MARK2: variants seen among roughly 807,000 people sequenced by gnomAD.
The protein encoded by MARK2 is microtubule affinity regulating kinase 2, also known as serine/threonine-protein kinase MARK2.
In MARK2, 16 loss-of-function variants were observed where a neutral mutation model predicts 89.8. The observed-to-expected ratio is 0.18, with a 90% CI of 0.12 to 0.27. MARK2 has a LOEUF of 0.27. MARK2 is among the 10% of genes least tolerant of loss of function. MARK2 has a pLI of 1.00. For missense variants in MARK2, 621 were observed against 1,049.9 expected, an observed-to-expected ratio of 0.59 and a Z score of 5.65; for synonymous variants, 382 against 399.5, an observed-to-expected ratio of 0.96 and a Z score of 0.52.
In MARK2 at chr11:63,903,437, G is replaced by C; in HGVS notation, c.1514+279G>C. ...TCTTGACCACGGCCAGGGCATGGCA[G>C]CTGCCCTCCTCTAGACATGAGCAGC... On this transcript the variant is annotated intron_variant, in intron 14 of 18. Coordinates refer to ENST00000402010, the MANE Select transcript of MARK2 (RefSeq NM_001039469.3). This position sits in a 1 kb window ranked among gnomAD's most constrained non-coding sequence, Gnocchi z 5.1. 1 of 468,474 alleles carries C rather than the reference G, an allele frequency of 2.1e-6. No homozygotes were observed. Among genetic ancestry groups the C allele is most frequent in the Non-Finnish European group, 3.9e-6 (1 of 253,516 alleles). 29.0% of individuals were successfully genotyped at this position (468,474 alleles called of 1,614,324 possible). A position where few individuals can be genotyped will look rare whatever the true frequency, so the allele number is the denominator to read the frequency against.
At chr11:63,875,901 G>A (rs926389898) in intron 1 of MARK2, among the ~76,000 whole-genome samples, 14 of 152,338 alleles carry the variant, frequency 9.2e-5, no homozygotes, top group African/African-American at 3.1e-4. Context: ...TTGTCTCACA[G>A]CTGAAGAGGC....
At chr11:63,860,344 G>C (rs1257126499) in intron 1 of MARK2, among the ~76,000 whole-genome samples, 1 of 151,936 alleles carries the variant, frequency 6.6e-6, no homozygotes, top group Non-Finnish European at 1.5e-5. Context: ...ACGAGGTCAG[G>C]AGATCGAGAC....
chr11:63,841,880 C>G (rs1265362698), intron 1 of MARK2, among the ~76,000 whole-genome samples: 1 of 152,220 alleles, frequency 6.6e-6, no homozygotes, highest in Non-Finnish European at 1.5e-5. Context: ...GCCTAGCATA[C>G]TGCTGAGCAT....
rs79024208 is a variant in MARK2 at position 63,893,586 on chromosome 11, A to G, written c.55-1573A>G. ...TACTGAGGAGCGGAATTGCTGGCTC[A>G]TATAGTCTGTGTTTAGCACTTTGAG... On this transcript the variant is annotated intron_variant, in intron 1 of 18. Coordinates refer to ENST00000402010, the MANE Select transcript of MARK2 (RefSeq NM_001039469.3). Among the ~76,000 whole-genome samples the G allele has an allele frequency of 8.5e-5, 13 of 152,058 alleles. No homozygotes were observed. The East Asian group carries it at 2.5e-3, about 30-fold the overall frequency.
At chr11:63,867,699 G>A (rs1938210624) in intron 1 of MARK2, among the ~76,000 whole-genome samples, 1 of 152,220 alleles carries the variant, frequency 6.6e-6, no homozygotes, top group South Asian at 2.1e-4. Flanking sequence ...TGGTTCTTCA[G>A]TGAGTTTCCC....
intron 18 of MARK2, 138 bp from the exon 19 acceptor site, chr11:63,908,739 G>A (rs1003383153): frequency 2.4e-6 from 2 of 821,832 alleles, no homozygotes; most frequent in Admixed American, 3.5e-5. Flanking sequence ...CTCCGCCCCC[G>A]CAGGCCAGGG....
At chr11:63,841,118 C>T (rs1462848810) in intron 1 of MARK2, among the ~76,000 whole-genome samples, 1 of 152,206 alleles carries the variant, frequency 6.6e-6, no homozygotes, top group Non-Finnish European at 1.5e-5. Flanking sequence ...CCCCTCCTTC[C>T]ATCCTTTATG....
rs184514302 is a variant in MARK2, at chr11:63,898,288, C to G, written c.337+8C>G. 850 of 1,612,550 alleles carry G rather than the reference C, an allele frequency of 5.3e-4. 5 individuals are homozygous for G. In the Middle Eastern group the frequency reaches 6.9e-3, roughly 13 times the overall value. ...TGAATCATCCCAACATAGGTGAGCACAAGTTGTTATTTCTTTCTTCTTCCC... is the reference window on the plus strand; with the variant it reads ...TGAATCATCCCAACATAGGTGAGCAGAAGTTGTTATTTCTTTCTTCTTCCC... On this transcript the variant is annotated splice_region_variant and intron_variant, in intron 4 of 18. Transcript: ENST00000402010.
rs2015874067 is a variant in MARK2, at chr11:63,839,164, G to A, written c.-343G>A. ...CAGGTCCGGCGGCGGCTGCCTGTGT[G>A]CCGGGCGCGGAGCAGTGCCGCTGAG... On this transcript the variant is annotated 5_prime_UTR_variant, in exon 1 of 19. Coordinates refer to ENST00000402010, the MANE Select transcript of MARK2 (RefSeq NM_001039469.3). 9.9e-6 allele frequency: 2 copies of A among 202,266 alleles called. No homozygotes were observed. Among genetic ancestry groups the A allele is most frequent in the Non-Finnish European group, 2.0e-5 (2 of 102,272 alleles). The allele number at this position is 202,266 out of a possible 1,614,324, so 12.5% of individuals were successfully genotyped here.
chr11:63,854,590 T>G (rs1305437344), intron 1 of MARK2, among the ~76,000 whole-genome samples: 1 of 151,834 alleles, frequency 6.6e-6, no homozygotes, highest in African/African-American at 2.4e-5. Context: ...ATCCCAACAC[T>G]TTCGGAGGCC....
In MARK2 at chr11:63,849,263, G is replaced by A. The variant is rs115362644; in HGVS notation, c.54+9703G>A. ...TTTGCAAGTAGTATTGAAGCCACTC[G>A]GAGATTGTTGCTTTGTCTTTTTGCT... On this transcript the variant is annotated intron_variant, in intron 1 of 18. Transcript: ENST00000402010. 8.8e-3 allele frequency among the ~76,000 whole-genome samples: 1,345 copies of A among 152,256 alleles called. 25 individuals carry two copies. Among genetic ancestry groups the A allele is most frequent in the African/African-American group, 0.029 (1,209 of 41,552 alleles).
chr11:63,860,027 T>A (rs1156543807), intron 1 of MARK2, among the ~76,000 whole-genome samples: 1 of 152,198 alleles, frequency 6.6e-6, no homozygotes, highest in Non-Finnish European at 1.5e-5. Context: ...TTGGAGTGTT[T>A]GTAGCAGTGT....
intron 1 of MARK2, 72 bp downstream of exon 1, chr11:63,839,632 C>T (rs1022617153): frequency 1.0e-6 from 1 of 967,994 alleles, no homozygotes. Flanking sequence ...CCTCCCTCTT[C>T]TGCTCTCCTC....
At chr11:63,901,220 C>T in intron 11 of MARK2, 151 bp downstream of exon 11, 1 of 632,576 alleles carries the variant, frequency 1.6e-6, no homozygotes, top group East Asian at 2.7e-5. Context: ...GTCTAAGGTC[C>T]TCTGGCCCAT....
At chr11:63,899,835 T>C in intron 7 of MARK2, 39 bp from the exon 8 acceptor site, 1 of 1,385,214 alleles carries the variant, frequency 7.2e-7, no homozygotes, top group Non-Finnish European at 1.0e-6. Flanking sequence ...CTTAGTCTGG[T>C]CCACTTGGTT....
rs531182100 is a variant in MARK2, at chr11:63,876,702, C to G, written c.55-18457C>G. Among the ~76,000 whole-genome samples, 10 of 119,082 alleles carry G rather than the reference C, an allele frequency of 8.4e-5. No individual in the cohort carries two copies. The South Asian group carries it at 2.6e-3, about 31-fold the overall frequency. The allele number at this position is 119,082 out of a possible 152,430, so 78.1% of individuals were successfully genotyped here. On this transcript the variant is annotated intron_variant, in intron 1 of 18. Transcript: ENST00000402010. ...TTTGTTGGGTAGGAGCTGTATTCCT[C>G]TTGGAGCCATCTTTTCTTCCCTGCC...
Position 63,887,906 on chromosome 11 carries a change from G to A in MARK2, c.55-7253G>A, listed in dbSNP as rs368706538. On this transcript the variant is annotated intron_variant, in intron 1 of 18. Coordinates refer to ENST00000402010, the MANE Select transcript of MARK2 (RefSeq NM_001039469.3). ...TTGGTGACTGGAAACTTGGAGGTGAGTGAGAACCTAGGGATGAACGTTCAG... is the reference window on the plus strand; with the variant it reads ...TTGGTGACTGGAAACTTGGAGGTGAATGAGAACCTAGGGATGAACGTTCAG... Among the ~76,000 whole-genome samples, 20 of 152,332 alleles carry A rather than the reference G, an allele frequency of 1.3e-4. No individual in the cohort carries two copies. The South Asian group carries it at 4.1e-3, about 32-fold the overall frequency.
At chr11:63,876,035 C>T (rs997066286) in intron 1 of MARK2, among the ~76,000 whole-genome samples, 2 of 152,228 alleles carry the variant, frequency 1.3e-5, no homozygotes, top group African/African-American at 4.8e-5. Context: ...GCAGAGTTTC[C>T]AGGCCCATAC....
intron 1 of MARK2, among the ~76,000 whole-genome samples, chr11:63,892,122 C>T (rs867769298): frequency 1.3e-5 from 2 of 152,146 alleles, no homozygotes; most frequent in African/African-American, 4.8e-5. Context: ...AGCTGGGGGG[C>T]TTCATGGAGA....
Sources: gnomAD v4.1 joint callset for allele counts (sites outside exome capture counted in the v4.1 genomes callset) on GRCh38, gnomAD v4.1.1 for gene constraint, Gnocchi (gnomAD v3.1) non-coding constraint, MANE v1.5 for transcripts, NCBI Gene and HGNC (gene_info 2026-07-23, HGNC 2026-07-21) for gene names.